The following GRID2 variants were observed in gnomAD, a reference collection of about 807,000 sequenced individuals.
GRID2 encodes the protein glutamate receptor ionotropic, delta-2.
In GRID2, 33 loss-of-function variants were observed where a neutral mutation model predicts 114.8. The ratio of observed to expected loss-of-function variants is 0.29; its 90% confidence interval spans 0.22 to 0.38. The LOEUF (loss-of-function observed/expected upper bound fraction) is 0.38. Among genes scored for constraint, GRID2 ranks in the 10% least tolerant of loss-of-function variants. GRID2 has a pLI of 1.00. For synonymous variants in GRID2, 505 were observed against 449.9 expected, an observed-to-expected ratio of 1.12 and a Z score of -1.55; for missense variants, 1,184 against 1,257.7, an observed-to-expected ratio of 0.94 and a Z score of 0.89.
At chr4:93,637,536 T>A (rs1721523147) in intron 14 of GRID2, among the ~76,000 whole-genome samples, 1 of 152,270 alleles carries the variant, frequency 6.6e-6, no homozygotes, top group East Asian at 1.9e-4. Context: ...CTGTCTTCCT[T>A]CATATTAAAA....
intron 1 of GRID2, among the ~76,000 whole-genome samples, chr4:92,437,866 G>A (rs1732815057): frequency 6.6e-6 from 1 of 152,146 alleles, no homozygotes; most frequent in Non-Finnish European, 1.5e-5. Flanking sequence ...TTGCTTAGAT[G>A]TTTTGTTGCT....
chr4:93,211,696 C>G (rs891651784), intron 5 of GRID2, among the ~76,000 whole-genome samples: 10 of 152,144 alleles, frequency 6.6e-5, no homozygotes, highest in African/African-American at 2.4e-4. Context: ...GGTATAATTT[C>G]TTTTGGGCAA....
At chr4:93,030,925 G>T (rs962276590) in intron 2 of GRID2, among the ~76,000 whole-genome samples, 1 of 151,472 alleles carries the variant, frequency 6.6e-6, no homozygotes. Context: ...ATTTGGGGAA[G>T]ATGAAAAAGA....
intron 2 of GRID2, among the ~76,000 whole-genome samples, chr4:92,987,143 C>T (rs78397888): frequency 0.023 from 3,475 of 152,198 alleles, 72 homozygotes; most frequent in East Asian, 0.053. Flanking sequence ...TGCCAGCTCT[C>T]CTGGTTCAGA....
intron 2 of GRID2, among the ~76,000 whole-genome samples, chr4:92,685,044 T>C (rs1733833728): frequency 6.6e-6 from 1 of 152,106 alleles, no homozygotes; most frequent in Non-Finnish European, 1.5e-5. Flanking sequence ...TAATAAACCA[T>C]ATAATGCTTA....
intron 14 of GRID2, among the ~76,000 whole-genome samples, chr4:93,628,513 A>G (rs1742936378): frequency 6.6e-6 from 1 of 152,106 alleles, no homozygotes; most frequent in African/African-American, 2.4e-5. Flanking sequence ...GGAAATACGG[A>G]GAAGGAACAA....
intron 4 of GRID2, among the ~76,000 whole-genome samples, chr4:93,143,640 A>C (rs1735950927): frequency 6.6e-6 from 1 of 152,334 alleles, no homozygotes; most frequent in South Asian, 2.1e-4. Flanking sequence ...TTCTTAATTT[A>C]TAAAAAAATC....
chr4:92,663,255 G>C (rs1391506962), intron 2 of GRID2, among the ~76,000 whole-genome samples: 1 of 151,118 alleles, frequency 6.6e-6, no homozygotes, highest in Non-Finnish European at 1.5e-5. Context: ...TTTACTAATA[G>C]TATCATCTTT....
chr4:93,543,178 T>C (rs1168329485), intron 13 of GRID2, among the ~76,000 whole-genome samples: 1 of 152,190 alleles, frequency 6.6e-6, no homozygotes, highest in Non-Finnish European at 1.5e-5. Flanking sequence ...TTCCTAAAGT[T>C]CAAATTGAAT....
chr4:93,434,762 T>C (rs1197980894), intron 10 of GRID2, among the ~76,000 whole-genome samples: 1 of 152,122 alleles, frequency 6.6e-6, no homozygotes, highest in Non-Finnish European at 1.5e-5. Context: ...TGGGTTTCCA[T>C]CCCACTCAGA....
intron 2 of GRID2, among the ~76,000 whole-genome samples, chr4:92,749,622 C>T (rs548050501): frequency 3.9e-5 from 6 of 152,002 alleles, no homozygotes; most frequent in South Asian, 2.1e-4. Flanking sequence ...ACAGTAGATG[C>T]GCTGGTATTT....
rs1168768255 is a variant in GRID2 at position 92,523,865 on chromosome 4, C to T, written c.89-66266C>T. Among the ~76,000 whole-genome samples, 4 of 151,918 alleles carry T rather than the reference C, an allele frequency of 2.6e-5. No homozygotes were observed. In the East Asian group the frequency reaches 7.8e-4, roughly 30 times the overall value. ...GGGAAGGGATAAGGTGGAACTGTAG[C>T]TTTGGTTGTGGGCAAAGAGAGAATT... On this transcript the variant is annotated intron_variant, in intron 1 of 15. Coordinates refer to ENST00000282020, the MANE Select transcript of GRID2 (RefSeq NM_001510.4).
At chr4:93,040,602 CT>C (rs1348125781) in intron 2 of GRID2, among the ~76,000 whole-genome samples, 2 of 152,084 alleles carry the variant, frequency 1.3e-5, no homozygotes, top group African/African-American at 4.8e-5. Context: ...TCCTGGTTAA[CT>C]GTGATAATTT....
chr4:93,588,895 G>C (rs1206955676), intron 13 of GRID2, among the ~76,000 whole-genome samples: 8 of 152,062 alleles, frequency 5.3e-5, no homozygotes, highest in African/African-American at 1.9e-4. Flanking sequence ...GCAGGTTCCT[G>C]ATTTTGCCAT....
intron 2 of GRID2, among the ~76,000 whole-genome samples, chr4:92,802,194 A>G (rs975668288): frequency 1.3e-5 from 2 of 151,850 alleles, no homozygotes; most frequent in African/African-American, 4.8e-5. Context: ...GAGATTTTCC[A>G]TAAAGCCCCC....
chr4:92,997,046 C>A (rs184966091), intron 2 of GRID2, among the ~76,000 whole-genome samples: 1 of 152,234 alleles, frequency 6.6e-6, no homozygotes, highest in Non-Finnish European at 1.5e-5. Flanking sequence ...TGATGATTAT[C>A]AAAAAGCATC....
intron 2 of GRID2, among the ~76,000 whole-genome samples, chr4:92,963,826 G>C (rs1752969010): frequency 6.6e-6 from 1 of 151,912 alleles, no homozygotes; most frequent in Non-Finnish European, 1.5e-5. Flanking sequence ...CTTACAACAT[G>C]CATTTCTTAG....
At chr4:93,279,215 T>C (rs940970497) in intron 8 of GRID2, among the ~76,000 whole-genome samples, 18 of 151,652 alleles carry the variant, frequency 1.2e-4, no homozygotes, top group African/African-American at 4.3e-4. Flanking sequence ...TCCAATACTA[T>C]ATATATAATT....
chr4:92,632,753 G>T (rs911369327), intron 2 of GRID2, among the ~76,000 whole-genome samples: 1 of 151,908 alleles, frequency 6.6e-6, no homozygotes. Context: ...AGTGAAGGAA[G>T]GGAAGGAAGA....
Sources: gnomAD v4.1 joint callset for allele counts (sites outside exome capture counted in the v4.1 genomes callset) on GRCh38, gnomAD v4.1.1 for gene constraint, MANE v1.5 for transcripts, NCBI Gene and HGNC (gene_info 2026-07-23, HGNC 2026-07-21) for gene names.